TM9SF3: variants seen among roughly 807,000 people sequenced by gnomAD.
The protein encoded by TM9SF3 is transmembrane 9 superfamily member 3.
TM9SF3 carries 14 observed loss-of-function variants against 78.6 expected under a neutral mutation model. The observed-to-expected ratio is 0.18, with a 90% CI of 0.12 to 0.28. TM9SF3 has a LOEUF of 0.28. TM9SF3 is among the 10% of genes least tolerant of loss of function. The probability of loss-of-function intolerance (pLI) is 1.00; values close to 1 mark genes in which losing one functional copy is unlikely to be tolerated. For missense variants in TM9SF3, 496 were observed against 721.9 expected (o/e 0.69, Z 3.59); for synonymous variants, 231 against 241.7 (o/e 0.96, Z 0.41).
intron 10 of TM9SF3, 63 bp downstream of exon 10, chr10:96,532,988 C>A: frequency 1.3e-6 from 2 of 1,582,488 alleles, no homozygotes; most frequent in Non-Finnish European, 1.7e-6. Flanking sequence ...TACATGTACA[C>A]AACAGCCTTA....
At chr10:96,525,362 T>C (rs929086542) in intron 14 of TM9SF3, among the ~76,000 whole-genome samples, 9 of 152,054 alleles carry the variant, frequency 5.9e-5, no homozygotes, top group Admixed American at 5.9e-4. Context: ...ACAGCAGCTA[T>C]AAATAAAACA....
rs1387751441 is a variant in TM9SF3 at position 96,551,282 on chromosome 10, C to T, written c.922G>A (p.Val308Ile). The change falls in exon 7 of 15, where the codon GTT becomes ATT. Residue 308 changes from valine to isoleucine, a missense_variant. Physicochemically the swap from Val to Ile is conservative, Grantham distance 29 (BLOSUM62 3). Around this residue, in one of 4 missense-constraint regions of TM9SF3, gnomAD observed 280 missense variants for 422.6 expected, o/e 0.66. Transcript: ENST00000371142. ...GCQIFAVSLI[V>I]IIVAMIEDLY... ...TCTTCTATCATTGCAACAATAATAA[C>T]GATGAGAGACACAGCAAATATCTGA... is the stretch of plus-strand genomic sequence containing the variant. 3 of 1,612,318 alleles carry T rather than the reference C, an allele frequency of 1.9e-6. No individual in the cohort carries two copies. Among genetic ancestry groups the T allele is most frequent in the East Asian group, 2.2e-5 (1 of 44,738 alleles).
At chr10:96,526,979 G>A (rs193180623) in intron 14 of TM9SF3, among the ~76,000 whole-genome samples, 3 of 152,122 alleles carry the variant, frequency 2.0e-5, no homozygotes, top group Admixed American at 6.6e-5. Context: ...ATGAAAAACT[G>A]TGATATGAAA....
intron 9 of TM9SF3, 74 bp downstream of exon 9, chr10:96,544,002 T>C: frequency 6.8e-7 from 1 of 1,463,630 alleles, no homozygotes; most frequent in Middle Eastern, 1.8e-4. Flanking sequence ...ATAAGAAGTA[T>C]TTTGGAGGGT....
rs1847761387 is a variant in TM9SF3, at chr10:96,521,021, A to G, written c.*1242T>C. The G allele has an allele frequency of 5.1e-6, 2 of 394,932 alleles. No individual in the cohort carries two copies. Among genetic ancestry groups the G allele is most frequent in the South Asian group, 1.3e-4 (1 of 7,764 alleles). 24.5% of individuals were successfully genotyped at this position (394,932 alleles called of 1,614,324 possible). The stretch of plus-strand genomic sequence containing the variant: ...AATTTTATTTGAACATTCTAAAGCA[A>G]TAATGCTTTAGATGTTACTTAAGTG... On this transcript the variant is annotated 3_prime_UTR_variant, in exon 15 of 15. Transcript: ENST00000371142.
At chr10:96,583,458 G>GCATT (rs1461873605) in intron 1 of TM9SF3, among the ~76,000 whole-genome samples, 2 of 152,168 alleles carry the variant, frequency 1.3e-5, no homozygotes, top group Non-Finnish European at 2.9e-5. Context: ...GAGCATTTAA[G>GCATT]CATTTAAGCA....
intron 8 of TM9SF3, among the ~76,000 whole-genome samples, chr10:96,546,136 C>T (rs945244227): frequency 6.6e-6 from 1 of 152,134 alleles, no homozygotes; most frequent in African/African-American, 2.4e-5. Context: ...GTGTGAAGAC[C>T]TTGAGCTTCA....
rs538851649 is a variant in TM9SF3, at chr10:96,520,146, A to G, written c.*2117T>C. On this transcript the variant is annotated 3_prime_UTR_variant, in exon 15 of 15. Coordinates refer to ENST00000371142, the MANE Select transcript of TM9SF3 (RefSeq NM_020123.4). ...TGGTATGTTAAAAGTACTTTTGAAT[A>G]AAAGTGGTGAGAAAGAAACCAAAAA... The G allele has an allele frequency of 2.8e-4, 42 of 152,060 alleles. 1 individual carries two copies. Among genetic ancestry groups the G allele is most frequent in the African/African-American group, 9.6e-4 (40 of 41,552 alleles). The allele number at this position is 152,060 out of a possible 1,614,324, so 9.4% of individuals were successfully genotyped here.
intron 14 of TM9SF3, among the ~76,000 whole-genome samples, chr10:96,526,627 T>C (rs1486741862): frequency 2.0e-5 from 3 of 152,110 alleles, no homozygotes; most frequent in Non-Finnish European, 4.4e-5. Context: ...TACAGAAGCT[T>C]AGAGAGCTTG....
At chr10:96,577,298 C>G (rs761803247) in intron 1 of TM9SF3, among the ~76,000 whole-genome samples, 1 of 151,452 alleles carries the variant, frequency 6.6e-6, no homozygotes, top group Non-Finnish European at 1.5e-5. Flanking sequence ...CATCTCCTTG[C>G]GAGACTTTCA....
At position 96,530,537 on chromosome 10, in the gene TM9SF3, T is replaced by C; in HGVS notation, c.1394+3A>G. On this transcript the variant is annotated splice_donor_region_variant and intron_variant, in intron 11 of 14. Transcript: ENST00000371142. Reference sequence around the variant, plus strand: ...AAAACATAAATACATTATCAAAACTTACATTTCAATAAAGATTGAACCAAA... The same window carrying C: ...AAAACATAAATACATTATCAAAACTCACATTTCAATAAAGATTGAACCAAA... 1.2e-6 allele frequency: 2 copies of C among 1,609,530 alleles called. No homozygotes were observed. Among genetic ancestry groups the C allele is most frequent in the Non-Finnish European group, 1.7e-6 (2 of 1,177,338 alleles).
At chr10:96,571,629 T>C (rs1263449552) in intron 2 of TM9SF3, among the ~76,000 whole-genome samples, 4 of 152,142 alleles carry the variant, frequency 2.6e-5, no homozygotes, top group Non-Finnish European at 5.9e-5. Flanking sequence ...TAAAAATATA[T>C]AAGGCTCTAA....
At chr10:96,529,863 T>C (rs1204079540) in intron 11 of TM9SF3, among the ~76,000 whole-genome samples, 1 of 152,176 alleles carries the variant, frequency 6.6e-6, no homozygotes, top group Non-Finnish European at 1.5e-5. Context: ...ATGACTGGTA[T>C]TTAGTGGACA....
chr10:96,580,496 G>A (rs1181497587), intron 1 of TM9SF3, among the ~76,000 whole-genome samples: 1 of 152,096 alleles, frequency 6.6e-6, no homozygotes. Flanking sequence ...TCGATCTCCT[G>A]ACCTCGTGAT....
At chr10:96,572,125 C>T (rs1490276207) in intron 2 of TM9SF3, among the ~76,000 whole-genome samples, 2 of 152,106 alleles carry the variant, frequency 1.3e-5, no homozygotes, top group Admixed American at 6.5e-5. Context: ...ATTTCATAAT[C>T]GTAAATACAA....
At chr10:96,568,345 C>T (rs534557317) in intron 2 of TM9SF3, among the ~76,000 whole-genome samples, 2 of 152,220 alleles carry the variant, frequency 1.3e-5, no homozygotes, top group Non-Finnish European at 2.9e-5. Context: ...CTATATCTTT[C>T]GAAGGTGAAA....
chr10:96,586,634 G>T, intron 1 of TM9SF3, 100 bp downstream of exon 1: 1 of 1,015,200 alleles, frequency 9.9e-7, no homozygotes, highest in Non-Finnish European at 1.2e-6. Context: ...CCGCAGTGGG[G>T]CACCACCGGG....
intron 2 of TM9SF3, among the ~76,000 whole-genome samples, chr10:96,571,507 CA>C (rs1420532238): frequency 6.6e-6 from 1 of 152,192 alleles, no homozygotes; most frequent in Non-Finnish European, 1.5e-5. Context: ...ACCATCCCCC[CA>C]GTCCCTTTTC....
intron 9 of TM9SF3, among the ~76,000 whole-genome samples, chr10:96,540,769 CTTTT>C (rs68126103): frequency 2.3e-4 from 12 of 51,308 alleles, no homozygotes; most frequent in Non-Finnish European, 4.0e-4. Flanking sequence ...TATTACCTTT[CTTTT>C]TTTTTTTTTT....
Sources: allele counts gnomAD v4.1 joint callset (sites outside exome capture counted in the v4.1 genomes callset), GRCh38; gene constraint gnomAD v4.1.1; regional missense constraint gnomAD v4.1.1; transcripts MANE v1.5; gene names NCBI Gene and HGNC (gene_info 2026-07-23, HGNC 2026-07-21).